EEF2K: variants seen among roughly 807,000 people sequenced by gnomAD.
EEF2K encodes the protein eukaryotic elongation factor 2 kinase.
Under a neutral mutation model 93.8 loss-of-function variants are expected in EEF2K, and 70 were observed. The ratio of observed to expected loss-of-function variants is 0.75; its 90% CI spans 0.62 to 0.91. EEF2K has a LOEUF of 0.91. EEF2K is among the 40% of genes least tolerant of loss of function. EEF2K has a pLI of 0.00. For synonymous variants in EEF2K, 376 were observed against 380.8 expected (o/e 0.99, Z 0.15); for missense variants, 935 against 972.9 (o/e 0.96, Z 0.52).
chr16:22,273,887 T>A, intron 16 of EEF2K, 137 bp downstream of exon 16: 1 of 1,281,174 alleles, frequency 7.8e-7, no homozygotes, highest in South Asian at 1.5e-5. Flanking sequence ...CAACTTATTT[T>A]ACCTCCCTGG....
intron 2 of EEF2K, among the ~76,000 whole-genome samples, chr16:22,229,273 A>T (rs2047093259): frequency 1.3e-5 from 2 of 152,224 alleles, no homozygotes; most frequent in Non-Finnish European, 2.9e-5. Context: ...ACAGAGACAT[A>T]TGTGCAATGT....
Position 22,259,612 on chromosome 16 carries a change from G to A in EEF2K, c.1232-850G>A, listed in dbSNP as rs528776658. On this transcript the variant is annotated intron_variant, in intron 10 of 17. Transcript: ENST00000263026. ...GGCTGTGTTCCAATAAAACTCTATG[G>A]ATGGTGAAATTTAATTTTTGTCATC... Among the ~76,000 whole-genome samples, 134 of 152,222 alleles carry A rather than the reference G, an allele frequency of 8.8e-4. 6 individuals are homozygous for A. The South Asian group carries it at 0.019, about 22-fold the overall frequency.
intron 1 of EEF2K, among the ~76,000 whole-genome samples, chr16:22,216,538 CTG>C (rs1000139736): frequency 8.5e-5 from 13 of 152,292 alleles, no homozygotes; most frequent in African/African-American, 3.1e-4. Flanking sequence ...TCGTGTTAAA[CTG>C]TGAGAAACTC....
chr16:22,252,374 T>C (rs1383819767), intron 6 of EEF2K, among the ~76,000 whole-genome samples: 6 of 152,164 alleles, frequency 3.9e-5, no homozygotes, highest in Non-Finnish European at 8.8e-5. Flanking sequence ...TCTGCACTAG[T>C]GGTAGCACTC....
chr16:22,283,801 T>A, intron 17 of EEF2K, 86 bp from the exon 18 acceptor site: 1 of 1,293,158 alleles, frequency 7.7e-7, no homozygotes, highest in Non-Finnish European at 1.1e-6. Context: ...GTCAGGGTGT[T>A]CTTCTGGGAG....
At chr16:22,231,286 T>TTTA (rs2047112518) in intron 2 of EEF2K, among the ~76,000 whole-genome samples, 1 of 149,648 alleles carries the variant, frequency 6.7e-6, no homozygotes, top group Admixed American at 6.6e-5. Context: ...TTATTTATTT[T>TTTA]TTGTATATTT....
intron 2 of EEF2K, among the ~76,000 whole-genome samples, chr16:22,241,636 CAAAAAAAAAAAA>C (rs71151666): frequency 6.1e-5 from 3 of 49,182 alleles, no homozygotes; most frequent in South Asian, 7.6e-4. Context: ...GAGACTGTCT[CAAAAAAAAAAAA>C]AAAAAAAAAA....
chr16:22,244,270 TG>T (rs1239211751), intron 2 of EEF2K, among the ~76,000 whole-genome samples: 7 of 34,166 alleles, frequency 2.0e-4, no homozygotes, highest in Admixed American at 9.0e-4. Flanking sequence ...ATATATGTAT[TG>T]TGTGTGTGTG....
chr16:22,272,223 G>C (rs928710028), intron 15 of EEF2K, among the ~76,000 whole-genome samples: 1 of 152,110 alleles, frequency 6.6e-6, no homozygotes, highest in African/African-American at 2.4e-5. Flanking sequence ...ACAAAAACTT[G>C]TACACAAATC....
At chr16:22,230,869 A>G (rs917714989) in intron 2 of EEF2K, among the ~76,000 whole-genome samples, 7 of 151,960 alleles carry the variant, frequency 4.6e-5, no homozygotes, top group African/African-American at 1.7e-4. Context: ...GGCTCAAACA[A>G]TCATCCCACT....
In EEF2K at chr16:22,284,665, A is replaced by G. The variant is rs902941799; in HGVS notation, c.*669A>G. 3 of 151,056 alleles carry G rather than the reference A, an allele frequency of 2.0e-5. No individual in the cohort carries two copies. The highest frequency in any genetic ancestry group is 7.3e-5 in the African/African-American group (3 of 40,928). The allele number at this position is 151,056 out of a possible 1,614,324, so 9.4% of individuals were successfully genotyped here. A position where few individuals can be genotyped will look rare whatever the true frequency, so the allele number is the denominator to read the frequency against. On this transcript the variant is annotated 3_prime_UTR_variant, in exon 18 of 18. Transcript: ENST00000263026. ...AAGTGCTTTTTGCCTTGAATGGACA[A>G]TTTTAGGGCTGTGCTCACTAGTCTT... is the stretch of plus-strand genomic sequence containing the variant.
chr16:22,208,097 C>T (rs1031555961), intron 1 of EEF2K, among the ~76,000 whole-genome samples: 5 of 152,222 alleles, frequency 3.3e-5, no homozygotes, highest in African/African-American at 1.2e-4. Flanking sequence ...CCGCCCTCCT[C>T]TCAGCCCCCA....
intron 2 of EEF2K, among the ~76,000 whole-genome samples, chr16:22,232,303 T>G (rs1415387243): frequency 1.3e-5 from 2 of 152,158 alleles, no homozygotes; most frequent in Admixed American, 6.6e-5. Context: ...CATAACTCAC[T>G]GCAGCCTCTA....
chr16:22,236,711 A>G (rs915508782), intron 2 of EEF2K, among the ~76,000 whole-genome samples: 2 of 151,736 alleles, frequency 1.3e-5, no homozygotes, highest in East Asian at 3.9e-4. Context: ...TTGCAAACAC[A>G]TTGCCGGCAC....
At chr16:22,274,870 A>G (rs775694698) in intron 16 of EEF2K, among the ~76,000 whole-genome samples, 15 of 152,052 alleles carry the variant, frequency 9.9e-5, no homozygotes, top group Non-Finnish European at 1.5e-4. Flanking sequence ...CAGCCTCCCA[A>G]TGGGATTACA....
At chr16:22,281,849 T>C (rs1478960322) in intron 17 of EEF2K, among the ~76,000 whole-genome samples, 4 of 152,244 alleles carry the variant, frequency 2.6e-5, no homozygotes, top group Non-Finnish European at 4.4e-5. Context: ...ATTGTGTGGA[T>C]ATACAGCCTT....
chr16:22,241,663 CAT>C (rs1250958289), intron 2 of EEF2K, among the ~76,000 whole-genome samples: 8 of 106,764 alleles, frequency 7.5e-5, no homozygotes, highest in African/African-American at 1.8e-4. Context: ...AAAAAAAAAA[CAT>C]ATAGAAGATC....
intron 16 of EEF2K, among the ~76,000 whole-genome samples, chr16:22,277,813 T>G (rs989569773): frequency 1.3e-5 from 2 of 151,444 alleles, no homozygotes; most frequent in South Asian, 4.2e-4. Flanking sequence ...AACAGAAATT[T>G]GCTGGCTCTT....
chr16:22,276,518 G>T (rs1295255437), intron 16 of EEF2K, among the ~76,000 whole-genome samples: 1 of 152,152 alleles, frequency 6.6e-6, no homozygotes, highest in African/African-American at 2.4e-5. Context: ...CTCTGTGCAG[G>T]CCCAAATTTG....
Sources: gnomAD v4.1 joint callset for allele counts (sites outside exome capture counted in the v4.1 genomes callset) on GRCh38, gnomAD v4.1.1 for gene constraint, MANE v1.5 for transcripts, NCBI Gene and HGNC (gene_info 2026-07-23, HGNC 2026-07-21) for gene names.